ATXN7L1: variants seen among roughly 807,000 people sequenced by gnomAD.
The protein encoded by ATXN7L1 is ataxin 7 like 1.
In ATXN7L1, 15 loss-of-function variants were observed where a neutral mutation model predicts 70.8. The observed-to-expected ratio is 0.21, with a 90% CI of 0.14 to 0.33. The LOEUF is 0.33. Among genes scored for constraint, ATXN7L1 ranks in the 10% least tolerant of loss-of-function variants. ATXN7L1 has a pLI of 1.00. For missense variants in ATXN7L1, 975 were observed against 1,097.1 expected, an observed-to-expected ratio of 0.89 and a Z score of 1.57; for synonymous variants, 440 against 445.1, an observed-to-expected ratio of 0.99 and a Z score of 0.14.
At chr7:105,652,337 T>G (rs1215119814) in intron 4 of ATXN7L1, among the ~76,000 whole-genome samples, 1 of 152,152 alleles carries the variant, frequency 6.6e-6, no homozygotes, top group Admixed American at 6.5e-5. Flanking sequence ...TGAATGGCCA[T>G]TGAAATTCAC....
intron 2 of ATXN7L1, among the ~76,000 whole-genome samples, chr7:105,795,986 T>A (rs1271547062): frequency 2.0e-5 from 3 of 152,250 alleles, no homozygotes; most frequent in Non-Finnish European, 4.4e-5. Context: ...TAAAAGGTAC[T>A]GTAATGAAAA....
At chr7:105,673,229 A>G (rs924427993) in intron 3 of ATXN7L1, among the ~76,000 whole-genome samples, 2 of 152,212 alleles carry the variant, frequency 1.3e-5, no homozygotes, top group African/African-American at 2.4e-5. Flanking sequence ...ATTCATGGAG[A>G]TATTTTCATA....
intron 3 of ATXN7L1, among the ~76,000 whole-genome samples, chr7:105,722,561 A>T (rs13310134): frequency 8.0e-4 from 15 of 18,756 alleles, no homozygotes; most frequent in Admixed American, 4.2e-3. Context: ...ACTCTGCCTT[A>T]AAAAAAAAAA....
At chr7:105,645,640 C>CAAA (rs34135377) in intron 4 of ATXN7L1, among the ~76,000 whole-genome samples, 15 of 124,074 alleles carry the variant, frequency 1.2e-4, no homozygotes, top group African/African-American at 3.6e-4. Flanking sequence ...GCTAAAAATC[C>CAAA]AAAAAAAAAA....
intron 2 of ATXN7L1, among the ~76,000 whole-genome samples, 186 bp downstream of exon 2, chr7:105,875,626 T>TGC (rs146310508): frequency 5.0e-5 from 3 of 59,560 alleles, no homozygotes; most frequent in South Asian, 7.1e-4. Context: ...CACCCCCCTT[T>TGC]ACCCCCCCCC....
At chr7:105,713,868 C>T (rs1177204788) in intron 3 of ATXN7L1, among the ~76,000 whole-genome samples, 2 of 152,212 alleles carry the variant, frequency 1.3e-5, no homozygotes, top group Non-Finnish European at 2.9e-5. Flanking sequence ...AGCCCTTCTG[C>T]CCAGAGGTAC....
At chr7:105,611,327 C>G (rs1336532408) in intron 10 of ATXN7L1, among the ~76,000 whole-genome samples, 1 of 152,222 alleles carries the variant, frequency 6.6e-6, no homozygotes, top group Non-Finnish European at 1.5e-5. Flanking sequence ...ATAAACCGCT[C>G]CTCTTCTCCA....
At chr7:105,750,676 G>A (rs1397343190) in intron 3 of ATXN7L1, among the ~76,000 whole-genome samples, 1 of 152,076 alleles carries the variant, frequency 6.6e-6, no homozygotes, top group South Asian at 2.1e-4. Flanking sequence ...GGTGGCAGGC[G>A]CCTGTAATCC....
chr7:105,870,771 T>G (rs1029231205), intron 2 of ATXN7L1, among the ~76,000 whole-genome samples: 1 of 152,214 alleles, frequency 6.6e-6, no homozygotes, highest in African/African-American at 2.4e-5. Context: ...TGGAATTTTC[T>G]CTCATAAACA....
intron 3 of ATXN7L1, among the ~76,000 whole-genome samples, chr7:105,672,275 G>A (rs1803866820): frequency 6.6e-6 from 1 of 152,006 alleles, no homozygotes; most frequent in East Asian, 1.9e-4. Flanking sequence ...GACAGAGTGA[G>A]ACTCCGTCCC....
intron 3 of ATXN7L1, chr7:105,760,538 C>T (rs1329917381): frequency 7.1e-6 from 7 of 985,774 alleles, no homozygotes; most frequent in Non-Finnish European, 8.4e-6. Flanking sequence ...AAATGTCACG[C>T]TCCAGCTATC....
chr7:105,704,586 T>TC (rs1563021232), intron 3 of ATXN7L1, among the ~76,000 whole-genome samples: 9,077 of 70,098 alleles, frequency 0.13, 426 homozygotes, highest in East Asian at 0.16. Flanking sequence ...TTTTATCTCT[T>TC]TTTTTTTTTT....
At chr7:105,735,608 C>T in intron 3 of ATXN7L1, among the ~76,000 whole-genome samples, 1 of 152,114 alleles carries the variant, frequency 6.6e-6, no homozygotes, top group Non-Finnish European at 1.5e-5. Flanking sequence ...AGGCCTACTA[C>T]CCAGTTTCAA....
At chr7:105,844,056 T>C (rs1381524607) in intron 2 of ATXN7L1, among the ~76,000 whole-genome samples, 6 of 152,180 alleles carry the variant, frequency 3.9e-5, no homozygotes, top group African/African-American at 7.2e-5. Flanking sequence ...CGAGGGATGT[T>C]GACTGGAGGG....
At chr7:105,781,267 T>A (rs76386864) in intron 3 of ATXN7L1, among the ~76,000 whole-genome samples, 6,279 of 152,266 alleles carry the variant, frequency 0.041, 277 homozygotes, top group East Asian at 0.27. Flanking sequence ...ATCCTACTTC[T>A]TTCATTTAGG....
chr7:105,619,553 TTTTTTTTTTTTTTTA>T (rs1794625909), intron 9 of ATXN7L1, among the ~76,000 whole-genome samples: 1 of 57,124 alleles, frequency 1.8e-5, no homozygotes, highest in Non-Finnish European at 3.6e-5. Context: ...TTTTTTTTTT[TTTTTTTTTTTTTTTA>T]AGAGAGAGGG....
At chr7:105,668,420 CAG>C (rs1802990846) in intron 3 of ATXN7L1, among the ~76,000 whole-genome samples, 1 of 152,044 alleles carries the variant, frequency 6.6e-6, no homozygotes, top group Admixed American at 6.5e-5. Flanking sequence ...TCTTTTGAGA[CAG>C]AGTCTTGCTC....
intron 3 of ATXN7L1, among the ~76,000 whole-genome samples, chr7:105,712,710 T>C (rs554817686): frequency 6.6e-6 from 1 of 152,316 alleles, no homozygotes; most frequent in Non-Finnish European, 1.5e-5. Context: ...CAGCCTGGAC[T>C]TCATTGTCAA....
At chr7:105,621,544 A>G (rs1180944221) in intron 8 of ATXN7L1, among the ~76,000 whole-genome samples, 2 of 152,242 alleles carry the variant, frequency 1.3e-5, no homozygotes, top group African/African-American at 4.8e-5. Context: ...TTTAAAGCAC[A>G]CTATCTCTCT....
Sources: gnomAD v4.1 joint callset for allele counts (sites outside exome capture counted in the v4.1 genomes callset) on GRCh38, gnomAD v4.1.1 for gene constraint, MANE v1.5 for transcripts, NCBI Gene and HGNC (gene_info 2026-07-23, HGNC 2026-07-21) for gene names.